DOCK5: variants seen among roughly 807,000 people sequenced by gnomAD.
The protein encoded by DOCK5 is dedicator of cytokinesis protein 5.
DOCK5 carries 142 observed loss-of-function variants against 251.8 expected under a neutral mutation model. The observed-to-expected ratio is 0.56, with a 90% CI of 0.49 to 0.65. The LOEUF (loss-of-function observed/expected upper bound fraction) is 0.65, where lower values mean the gene tolerates loss of function less well. Ranked by LOEUF, DOCK5 falls within the 30% of genes least tolerant of loss-of-function variation. The pLI is 0.00. For missense variants in DOCK5, 2,111 were observed against 2,312.3 expected, an observed-to-expected ratio of 0.91 and a Z score of 1.79; for synonymous variants, 842 against 835.5, an observed-to-expected ratio of 1.01 and a Z score of -0.13.
chr8:25,395,568 C>T lies in DOCK5; in HGVS notation c.4553C>T (p.Ala1518Val). 1 of 1,613,156 alleles carries T rather than the reference C, an allele frequency of 6.2e-7. No individual in the cohort carries two copies. The highest frequency in any genetic ancestry group is 8.5e-7 in the Non-Finnish European group (1 of 1,179,700). ...GAAGAGATCAGTCCTCTGGAGAATG[C>T]CATCGAAACCATGGAGCTGACCAAC... ...STEEISPLEN[A>V]IETMELTNER... The change falls in exon 45 of 52, where the codon GCC becomes GTC. Residue 1518 changes from alanine to valine, a missense_variant. This residue lies in a region of DOCK5 where 1,717 missense variants were observed against 1,892.4 expected (regional missense o/e 0.91). Coordinates refer to ENST00000276440, the MANE Select transcript of DOCK5 (RefSeq NM_024940.8).
At chr8:25,257,707 A>C (rs910499768) in intron 2 of DOCK5, among the ~76,000 whole-genome samples, 1 of 152,116 alleles carries the variant, frequency 6.6e-6, no homozygotes, top group African/African-American at 2.4e-5. Flanking sequence ...ATACTCTCAA[A>C]TTCCTTGAGG....
chr8:25,231,179 T>C (rs374049758), intron 1 of DOCK5, among the ~76,000 whole-genome samples: 2 of 152,240 alleles, frequency 1.3e-5, no homozygotes, highest in South Asian at 4.1e-4. Context: ...ATATTTTTTC[T>C]ATAATTTTTC....
At chr8:25,295,399 T>A (rs959420135) in intron 6 of DOCK5, among the ~76,000 whole-genome samples, 18 of 148,618 alleles carry the variant, frequency 1.2e-4, no homozygotes, top group African/African-American at 2.4e-4. Flanking sequence ...AAAATAAAAA[T>A]AAATAAATTC....
At chr8:25,317,933 G>A (rs1805302452) in intron 14 of DOCK5, among the ~76,000 whole-genome samples, 2 of 152,088 alleles carry the variant, frequency 1.3e-5, no homozygotes, top group South Asian at 4.2e-4. Context: ...TTAATGAACA[G>A]GAAACTGTAA....
At chr8:25,406,145 A>G (rs1237165277) in intron 48 of DOCK5, among the ~76,000 whole-genome samples, 3 of 152,076 alleles carry the variant, frequency 2.0e-5, no homozygotes, top group African/African-American at 7.2e-5. Context: ...CTTTTAGTAG[A>G]GATGGGGTTT....
intron 1 of DOCK5, among the ~76,000 whole-genome samples, chr8:25,200,901 TTTC>T (rs145629044): frequency 1.3e-4 from 19 of 151,390 alleles, no homozygotes; most frequent in African/African-American, 3.9e-4. Context: ...TAAATGGCTA[TTTC>T]TTCTTCTTCT....
chr8:25,241,231 C>T (rs1802934371), intron 1 of DOCK5, among the ~76,000 whole-genome samples: 3 of 152,152 alleles, frequency 2.0e-5, no homozygotes, highest in African/African-American at 4.8e-5. Context: ...AATCCCAGCA[C>T]TTTGGGAGGC....
chr8:25,235,923 G>A (rs1043971195), intron 1 of DOCK5, among the ~76,000 whole-genome samples: 23 of 149,284 alleles, frequency 1.5e-4, no homozygotes, highest in African/African-American at 5.7e-4. Context: ...TCAGCCTCCC[G>A]AGTAGCTAGG....
chr8:25,370,192 C>T (rs1041270955), intron 34 of DOCK5, among the ~76,000 whole-genome samples: 1 of 152,186 alleles, frequency 6.6e-6, no homozygotes, highest in Non-Finnish European at 1.5e-5. Context: ...TCACCTATAA[C>T]CCTCTTGCCC....
At chr8:25,256,403 C>T (rs945547590) in intron 2 of DOCK5, among the ~76,000 whole-genome samples, 1 of 152,130 alleles carries the variant, frequency 6.6e-6, no homozygotes, top group African/African-American at 2.4e-5. Flanking sequence ...CTTTGGGAGG[C>T]TGAGGCGGGT....
At chr8:25,295,001 C>G (rs917057867) in intron 6 of DOCK5, among the ~76,000 whole-genome samples, 2 of 152,170 alleles carry the variant, frequency 1.3e-5, no homozygotes, top group African/African-American at 4.8e-5. Context: ...CCACCAGGCC[C>G]CACTTCCAAC....
chr8:25,410,460 T>C (rs1165063205), intron 51 of DOCK5, among the ~76,000 whole-genome samples: 1 of 151,806 alleles, frequency 6.6e-6, no homozygotes, highest in Non-Finnish European at 1.5e-5. Flanking sequence ...TGAGTTCTAG[T>C]TCACCTTTTT....
intron 6 of DOCK5, among the ~76,000 whole-genome samples, chr8:25,293,922 G>A (rs1459077303): frequency 6.6e-6 from 1 of 152,114 alleles, no homozygotes; most frequent in Admixed American, 6.6e-5. Context: ...AAGAATCGCT[G>A]GAACTCAGGA....
At chr8:25,331,797 TATATAGAGAGAGAG>T (rs748224692) in intron 18 of DOCK5, among the ~76,000 whole-genome samples, 442 of 40,034 alleles carry the variant, frequency 0.011, 1 homozygote, top group African/African-American at 0.022. Flanking sequence ...TATATATATA[TATATAGAGAGAGAG>T]AGAGAGAGAG....
intron 17 of DOCK5, 122 bp downstream of exon 17, chr8:25,324,073 A>G: frequency 9.0e-7 from 1 of 1,108,036 alleles, no homozygotes; most frequent in Non-Finnish European, 1.3e-6. Context: ...CTTGCCCATT[A>G]ACATCTAGAA....
chr8:25,258,840 C>T (rs768058295), intron 2 of DOCK5, among the ~76,000 whole-genome samples: 16 of 152,124 alleles, frequency 1.1e-4, no homozygotes, highest in South Asian at 2.1e-4. Context: ...TTAAATAGAC[C>T]GGACACAGTG....
chr8:25,190,775 G>GTTTTTTTTTTTTTTTTTTTTTTT lies in DOCK5; in HGVS notation c.43+5824_43+5825insTTTTTTTTTTTTTTTTTTTTTTT, dbSNP rs755511798. On this transcript the variant is annotated intron_variant, in intron 1 of 51. Transcript: ENST00000276440. ...AAGGCCTGGCCTTAACTTGGTCATGGGTTTTTTTTTTTTTTTTTTTTTTTT... is the reference window on the plus strand; with the variant it reads ...AAGGCCTGGCCTTAACTTGGTCATGGTTTTTTTTTTTTTTTTTTTTTTTGTTTTTTTTTTTTTTTTTTTTTTTT... 4.6e-4 allele frequency among the ~76,000 whole-genome samples: 25 copies of GTTTTTTTTTTTTTTTTTTTTTTT among 53,980 alleles called. 7 individuals are homozygous for GTTTTTTTTTTTTTTTTTTTTTTT. The highest frequency in any genetic ancestry group is 1.8e-3 in the Admixed American group (5 of 2,758). 35.4% of individuals were successfully genotyped at this position (53,980 alleles called of 152,430 possible).
intron 30 of DOCK5, among the ~76,000 whole-genome samples, 200 bp from the exon 31 acceptor site, chr8:25,366,670 T>G (rs1384741121): frequency 6.6e-6 from 1 of 152,164 alleles, no homozygotes; most frequent in East Asian, 1.9e-4. Flanking sequence ...ATATAATAGC[T>G]TAAATTTTTT....
intron 7 of DOCK5, among the ~76,000 whole-genome samples, chr8:25,297,614 C>T (rs933214225): frequency 6.6e-6 from 1 of 152,148 alleles, no homozygotes; most frequent in Non-Finnish European, 1.5e-5. Flanking sequence ...GTCTCAAACT[C>T]CTGACCTCAG....
Sources: allele counts gnomAD v4.1 joint callset (sites outside exome capture counted in the v4.1 genomes callset), GRCh38; gene constraint gnomAD v4.1.1; regional missense constraint gnomAD v4.1.1; transcripts MANE v1.5; gene names NCBI Gene and HGNC (gene_info 2026-07-23, HGNC 2026-07-21).